Variants in SH2D6 observed in about 807,000 individuals in gnomAD.
The protein encoded by SH2D6 is SH2 domain-containing protein 6.
SH2D6 carries 31 observed loss-of-function variants against 30.2 expected under a neutral mutation model. The observed-to-expected ratio is 1.03, with a 90% CI of 0.77 to 1.38. SH2D6 has a LOEUF of 1.38. Among genes scored for constraint, SH2D6 ranks in the 40% most tolerant of loss-of-function variants. SH2D6 has a pLI of 0.00. For synonymous variants in SH2D6, 93 were observed against 104.6 expected (o/e 0.89, Z 0.68); for missense variants, 240 against 266.8 (o/e 0.90, Z 0.70).
At position 85,434,507 on chromosome 2, in the gene SH2D6, G is replaced by C. The variant is rs1450395808; in HGVS notation, c.589+10G>C. The C allele has an allele frequency of 2.6e-6, 4 of 1,550,206 alleles. No individual in the cohort carries two copies. Among genetic ancestry groups the C allele is most frequent in the East Asian group, 2.4e-5 (1 of 40,938 alleles). On this transcript the variant is annotated intron_variant, in intron 19 of 23. Coordinates refer to ENST00000469800, the MANE Select transcript of SH2D6 (RefSeq NM_001394463.1). Reference sequence around the variant, plus strand: ...GATGCTGCCTCTAAAGGTGAGTAAAGGCTGGTCCAAAGGTAGTGAGTTATC... The same window carrying C: ...GATGCTGCCTCTAAAGGTGAGTAAACGCTGGTCCAAAGGTAGTGAGTTATC...
intron 6 of SH2D6, among the ~76,000 whole-genome samples, chr2:85,426,499 C>T (rs1447847824): frequency 2.0e-5 from 3 of 152,140 alleles, no homozygotes; most frequent in African/African-American, 7.2e-5. Context: ...AGAGAGGGTC[C>T]TGCCCCATAC....
chr2:85,429,042 T>C (rs1688309486), intron 7 of SH2D6, among the ~76,000 whole-genome samples: 1 of 152,248 alleles, frequency 6.6e-6, no homozygotes, highest in South Asian at 2.1e-4. Context: ...CCTTAATCGT[T>C]GGTCATCACT....
intron 2 of SH2D6, among the ~76,000 whole-genome samples, chr2:85,421,225 A>T (rs1358275407): frequency 2.6e-5 from 4 of 152,200 alleles, no homozygotes; most frequent in South Asian, 4.1e-4. Flanking sequence ...AGGAAGGCAA[A>T]TTGAGGAAAG....
At chr2:85,419,969 G>A (rs1038940995) in intron 2 of SH2D6, among the ~76,000 whole-genome samples, 3 of 152,182 alleles carry the variant, frequency 2.0e-5, no homozygotes, top group East Asian at 3.8e-4. Context: ...GAGTGTTTCT[G>A]TTAAAACAAT....
At chr2:85,432,493 G>A (rs969464034) in intron 14 of SH2D6, among the ~76,000 whole-genome samples, 1 of 151,384 alleles carries the variant, frequency 6.6e-6, no homozygotes, top group Non-Finnish European at 1.5e-5. Context: ...TCCGCCCCCT[G>A]GGGTTCACGC....
rs1430321402 is a variant in SH2D6 at position 85,434,631 on chromosome 2, A to AAAAAAC, written c.589+138_589+139insACAAAA. 26 of 1,368,820 alleles carry AAAAAAC rather than the reference A, an allele frequency of 1.9e-5. No homozygotes were observed. The African/African-American group carries it at 2.2e-4, about 12-fold the overall frequency. The allele number at this position is 1,368,820 out of a possible 1,614,324, so 84.8% of individuals were successfully genotyped here. ...TTGACTAGACTTAAAAAAAAAAAAA[A>AAAAAAC]AAAACTAGGTGAATGCAGGCATCTT... On this transcript the variant is annotated intron_variant, in intron 19 of 23. Transcript: ENST00000469800.
intron 6 of SH2D6, among the ~76,000 whole-genome samples, chr2:85,426,798 C>T (rs1176364618): frequency 6.6e-6 from 1 of 152,232 alleles, no homozygotes; most frequent in Non-Finnish European, 1.5e-5. Flanking sequence ...GTTGTGGGAA[C>T]CCCAGCTTGA....
chr2:85,420,395 C>T (rs1687705777), intron 2 of SH2D6, among the ~76,000 whole-genome samples: 1 of 152,242 alleles, frequency 6.6e-6, no homozygotes, highest in South Asian at 2.1e-4. Flanking sequence ...GCCGGGATTA[C>T]AGGCATGAGC....
intron 6 of SH2D6, among the ~76,000 whole-genome samples, chr2:85,427,540 G>C (rs1429434934): frequency 6.6e-6 from 1 of 152,230 alleles, no homozygotes; most frequent in Non-Finnish European, 1.5e-5. Context: ...GAGCAGAGCA[G>C]GGAGGTGGCT....
chr2:85,433,036 C>G lies in SH2D6; in HGVS notation c.371-63C>G, dbSNP rs898683513. 7.1e-6 allele frequency: 7 copies of G among 985,424 alleles called. No individual in the cohort carries two copies. In the South Asian group the frequency reaches 3.3e-4, roughly 46 times the overall value. The allele number at this position is 985,424 out of a possible 1,614,324, so 61.0% of individuals were successfully genotyped here. A position where few individuals can be genotyped will look rare whatever the true frequency, so the allele number is the denominator to read the frequency against. ...GAGACTCTGCTTTTTCAGCCTCAGT[C>G]CCGCTGAATTCCTTTCTGCTCCCTG... On this transcript the variant is annotated intron_variant, in intron 14 of 23. Coordinates refer to ENST00000469800, the MANE Select transcript of SH2D6 (RefSeq NM_001394463.1).
At chr2:85,435,378 C>A (rs1689318132) in intron 20 of SH2D6, 35 bp from the exon 21 acceptor site, 9 of 1,607,432 alleles carry the variant, frequency 5.6e-6, no homozygotes, top group Non-Finnish European at 7.7e-6. Flanking sequence ...ATTGAGTGCC[C>A]TGGCATGTTT....
chr2:85,423,197 T>G (rs562021255), intron 5 of SH2D6, among the ~76,000 whole-genome samples: 68 of 87,966 alleles, frequency 7.7e-4, no homozygotes, highest in African/African-American at 2.4e-3. Flanking sequence ...CTGTTTTTTT[T>G]TTTGTTGTTG....
rs1275982414 is a variant in SH2D6, at chr2:85,436,714, T to C, written c.*12+120T>C. On this transcript the variant is annotated intron_variant, in intron 23 of 23. Coordinates refer to ENST00000469800, the MANE Select transcript of SH2D6 (RefSeq NM_001394463.1). ...TCCCAGTGCCCACAAGCAGCATTAATGGGGAAAGCCTGCCTGGAGGCCCAG... is the reference window on the plus strand; with the variant it reads ...TCCCAGTGCCCACAAGCAGCATTAACGGGGAAAGCCTGCCTGGAGGCCCAG... The C allele has an allele frequency of 3.9e-6, 3 of 772,310 alleles. No individual in the cohort carries two copies. In the Admixed American group the frequency reaches 6.2e-5, roughly 16 times the overall value. 47.8% of individuals were successfully genotyped at this position (772,310 alleles called of 1,614,324 possible).
intron 5 of SH2D6, among the ~76,000 whole-genome samples, chr2:85,424,407 C>T (rs1687885100): frequency 6.6e-6 from 1 of 152,102 alleles, no homozygotes; most frequent in Non-Finnish European, 1.5e-5. Flanking sequence ...CCCTTCCTCC[C>T]TTCTTTTTCT....
At chr2:85,431,463 C>A (rs1184933106) in intron 13 of SH2D6, among the ~76,000 whole-genome samples, 195 bp downstream of exon 13, 2 of 152,210 alleles carry the variant, frequency 1.3e-5, no homozygotes, top group East Asian at 1.9e-4. Flanking sequence ...TCCAACTCGC[C>A]TGGCCTGGTC....
At chr2:85,423,867 G>A (rs182196755) in intron 5 of SH2D6, among the ~76,000 whole-genome samples, 2 of 152,240 alleles carry the variant, frequency 1.3e-5, no homozygotes, top group Non-Finnish European at 2.9e-5. Context: ...ATTGCCCCTG[G>A]CTTTAACTTG....
chr2:85,421,590 C>T (rs1049992158), intron 2 of SH2D6: 1 of 152,262 alleles, frequency 6.6e-6, no homozygotes, highest in Non-Finnish European at 1.5e-5. Context: ...GGCCGTGAAC[C>T]TAGCAGACAC....
At chr2:85,421,203 C>T (rs949364764) in intron 2 of SH2D6, among the ~76,000 whole-genome samples, 2 of 152,120 alleles carry the variant, frequency 1.3e-5, no homozygotes, top group Non-Finnish European at 2.9e-5. Flanking sequence ...CAGACGCCGG[C>T]CGCTCCCGCT....
intron 22 of SH2D6, 87 bp from the exon 23 acceptor site, chr2:85,436,379 C>T: frequency 1.1e-6 from 1 of 941,180 alleles, no homozygotes; most frequent in Admixed American, 1.9e-5. Flanking sequence ...GTCAAAAGTC[C>T]CCTTGCCAGA....
Sources: allele counts gnomAD v4.1 joint callset (sites outside exome capture counted in the v4.1 genomes callset), GRCh38; gene constraint gnomAD v4.1.1; transcripts MANE v1.5; gene names NCBI Gene and HGNC (gene_info 2026-07-23, HGNC 2026-07-21).